The following DDA1 variants were observed in gnomAD, a reference collection of about 807,000 sequenced individuals.
DDA1 encodes the protein DET1 and DDB1 associated 1.
In DDA1, 3 loss-of-function variants were observed where a neutral mutation model predicts 18.6. That is an observed-to-expected ratio of 0.16 (90% confidence interval 0.07 to 0.42). The LOEUF is 0.42. Ranked by LOEUF, DDA1 falls within the 10% of genes least tolerant of loss-of-function variation. The probability of loss-of-function intolerance (pLI) is 0.99; values close to 1 mark genes in which losing one functional copy is unlikely to be tolerated. For missense variants in DDA1, 105 were observed against 138.2 expected (o/e 0.76, Z 1.20); for synonymous variants, 52 against 54.0 (o/e 0.96, Z 0.17).
Position 17,323,146 on chromosome 19 carries a change from G to A in DDA1, c.*3490G>A, listed in dbSNP as rs111671163. 0.01 allele frequency: 1,595 copies of A among 153,682 alleles called. 25 individuals are homozygous for A. The highest frequency in any genetic ancestry group is 0.036 in the African/African-American group (1,517 of 41,638). 9.5% of individuals were successfully genotyped at this position (153,682 alleles called of 1,614,324 possible). A position where few individuals can be genotyped will look rare whatever the true frequency, so the allele number is the denominator to read the frequency against. On this transcript the variant is annotated 3_prime_UTR_variant, in exon 5 of 5. Coordinates refer to ENST00000359866, the MANE Select transcript of DDA1 (RefSeq NM_024050.6). The stretch of plus-strand genomic sequence containing the variant: ...AAGCCAGCCTGTACCAGGATGGGGG[G>A]AGGGGGTTCCCAACCTAGGCCCCAG...
At chr19:17,319,266 C>T (rs1402932317) in intron 4 of DDA1, among the ~76,000 whole-genome samples, 1 of 152,182 alleles carries the variant, frequency 6.6e-6, no homozygotes, top group African/African-American at 2.4e-5. Context: ...GACCCTGGGG[C>T]CCCCCACTGT....
intron 4 of DDA1, among the ~76,000 whole-genome samples, chr19:17,317,667 C>CT (rs1346721139): frequency 2.0e-5 from 2 of 98,250 alleles, no homozygotes; most frequent in Non-Finnish European, 4.1e-5. Flanking sequence ...AACTCCATCA[C>CT]TAAAAAAAAA....
intron 3 of DDA1, among the ~76,000 whole-genome samples, chr19:17,315,595 T>C (rs1165819242): frequency 6.6e-6 from 1 of 151,892 alleles, no homozygotes; most frequent in African/African-American, 2.4e-5. Flanking sequence ...TTTATCCATC[T>C]GGAGCCTGTG....
chr19:17,320,364 C>A lies in DDA1; in HGVS notation c.*708C>A, dbSNP rs900192739. On this transcript the variant is annotated 3_prime_UTR_variant, in exon 5 of 5. Coordinates refer to ENST00000359866, the MANE Select transcript of DDA1 (RefSeq NM_024050.6). Reference sequence around the variant, plus strand: ...CCCCTGGGAGTCATCCCTGTTGTCACCAAGAGGAGTGAGAAGGGCCCCCCA... The same window carrying A: ...CCCCTGGGAGTCATCCCTGTTGTCAACAAGAGGAGTGAGAAGGGCCCCCCA... 6 of 152,264 alleles carry A rather than the reference C, an allele frequency of 3.9e-5. No individual in the cohort carries two copies. The highest frequency in any genetic ancestry group is 1.4e-4 in the African/African-American group (6 of 41,456). 9.4% of individuals were successfully genotyped at this position (152,264 alleles called of 1,614,324 possible). A position where few individuals can be genotyped will look rare whatever the true frequency, so the allele number is the denominator to read the frequency against.
At chr19:17,317,249 C>G (rs557135546) in intron 4 of DDA1, among the ~76,000 whole-genome samples, 88 of 152,012 alleles carry the variant, frequency 5.8e-4, no homozygotes, top group African/African-American at 2.1e-3. Context: ...GTGGCTCATG[C>G]CTGTAATCTC....
At chr19:17,313,433 CTTTTTTTTTTTTTTTT>C (rs57148595) in intron 1 of DDA1, among the ~76,000 whole-genome samples, 1 of 82,560 alleles carries the variant, frequency 1.2e-5, no homozygotes, top group Non-Finnish European at 2.3e-5. Flanking sequence ...TTGAAAATGG[CTTTTTTTTTTTTTTTT>C]TTTTTTTTTT....
At position 17,320,334 on chromosome 19, in the gene DDA1, C is replaced by T. The variant is rs1291332202; in HGVS notation, c.*678C>T. 2.0e-5 allele frequency: 3 copies of T among 152,276 alleles called. No homozygotes were observed. The highest frequency in any genetic ancestry group is 1.3e-4 in the Admixed American group (2 of 15,288). The allele number at this position is 152,276 out of a possible 1,614,324, so 9.4% of individuals were successfully genotyped here. ...CTCCACACACCTTGGCTGCAGAGGA[C>T]GGAGCCCCTGGGAGTCATCCCTGTT... On this transcript the variant is annotated 3_prime_UTR_variant, in exon 5 of 5. Coordinates refer to ENST00000359866, the MANE Select transcript of DDA1 (RefSeq NM_024050.6).
intron 1 of DDA1, among the ~76,000 whole-genome samples, chr19:17,309,922 C>T (rs1414952901): frequency 2.0e-5 from 3 of 151,778 alleles, no homozygotes. Flanking sequence ...GTTGCGGCTC[C>T]CCCCGGAAAT....
intron 1 of DDA1, among the ~76,000 whole-genome samples, chr19:17,312,338 G>A (rs775018363): frequency 3.9e-5 from 6 of 152,146 alleles, no homozygotes; most frequent in Non-Finnish European, 7.4e-5. Context: ...TGACCTCGCC[G>A]GGGTGTGAGG....
Position 17,321,975 on chromosome 19 carries a change from A to G in DDA1, c.*2319A>G, listed in dbSNP as rs1388996727. On this transcript the variant is annotated 3_prime_UTR_variant, in exon 5 of 5. Transcript: ENST00000359866. The stretch of plus-strand genomic sequence containing the variant: ...GGCCAGCTGGGGAGTCCCAGTCCCC[A>G]GGGTTGGTGTGACCTGGGCAGGCCT... 6.6e-6 allele frequency: 1 copy of G among 152,324 alleles called. No homozygotes were observed. The highest frequency in any genetic ancestry group is 1.5e-5 in the Non-Finnish European group (1 of 68,140). 9.4% of individuals were successfully genotyped at this position (152,324 alleles called of 1,614,324 possible).
intron 1 of DDA1, among the ~76,000 whole-genome samples, chr19:17,310,390 G>A (rs1377331635): frequency 1.3e-5 from 2 of 151,724 alleles, no homozygotes; most frequent in Middle Eastern, 3.4e-3. Context: ...GTCCCCACCT[G>A]GCTGTTGGAA....
At position 17,314,260 on chromosome 19, in the gene DDA1, G is replaced by T; in HGVS notation, c.85-78G>T. On this transcript the variant is annotated intron_variant, in intron 2 of 4. Coordinates refer to ENST00000359866, the MANE Select transcript of DDA1 (RefSeq NM_024050.6). The surrounding 1 kb of genome is among the most constrained non-coding windows in gnomAD (Gnocchi z 4.6). ...AGTGTCTTCCAATCTGCACTGAAGG[G>T]TGGGTGCTGAGTGGAGGGATGAGGA... 1 of 1,586,254 alleles carries T rather than the reference G, an allele frequency of 6.3e-7. No individual in the cohort carries two copies. The highest frequency in any genetic ancestry group is 1.3e-5 in the African/African-American group (1 of 74,456).
Position 17,314,592 on chromosome 19 carries a change from G to T in DDA1, c.136+203G>T. Reference sequence around the variant, plus strand: ...GGGGGACCTTGGGGGCTTCAGCCTGGGGATGCACACGTGGATGCCTGTCCA... The same window carrying T: ...GGGGGACCTTGGGGGCTTCAGCCTGTGGATGCACACGTGGATGCCTGTCCA... On this transcript the variant is annotated intron_variant, in intron 3 of 4. Coordinates refer to ENST00000359866, the MANE Select transcript of DDA1 (RefSeq NM_024050.6). This position sits in a 1 kb window ranked among gnomAD's most constrained non-coding sequence, Gnocchi z 4.6. 1 of 634,848 alleles carries T rather than the reference G, an allele frequency of 1.6e-6. No individual in the cohort carries two copies. The highest frequency in any genetic ancestry group is 1.9e-5 in the South Asian group (1 of 52,360). The allele number at this position is 634,848 out of a possible 1,614,324, so 39.3% of individuals were successfully genotyped here.
At chr19:17,310,692 G>A (rs2074174929) in intron 1 of DDA1, among the ~76,000 whole-genome samples, 1 of 152,144 alleles carries the variant, frequency 6.6e-6, no homozygotes, top group African/African-American at 2.4e-5. Flanking sequence ...GAAGGAAATG[G>A]GAAGGTGGGT....
In DDA1 at chr19:17,315,350, CTA is replaced by C. The variant is rs1429083049; in HGVS notation, c.137-575_137-574del. ...ATATACACACGTATATATATACACG[CTA>C]TATATATACGCTATATATATACACA... is the stretch of plus-strand genomic sequence containing the variant. On this transcript the variant is annotated intron_variant, in intron 3 of 4. Coordinates refer to ENST00000359866, the MANE Select transcript of DDA1 (RefSeq NM_024050.6). Among the ~76,000 whole-genome samples, 5 of 56,468 alleles carry C rather than the reference CTA, an allele frequency of 8.9e-5. 1 individual carries two copies. Among genetic ancestry groups the C allele is most frequent in the Non-Finnish European group, 1.7e-4 (4 of 24,094 alleles). The allele number at this position is 56,468 out of a possible 152,430, so 37.0% of individuals were successfully genotyped here. A position where few individuals can be genotyped will look rare whatever the true frequency, so the allele number is the denominator to read the frequency against.
At position 17,309,673 on chromosome 19, in the gene DDA1, AG is replaced by A; in HGVS notation, c.3+18del. 1 of 1,612,264 alleles carries A rather than the reference AG, an allele frequency of 6.2e-7. No homozygotes were observed. Among genetic ancestry groups the A allele is most frequent in the East Asian group, 2.2e-5 (1 of 44,696 alleles). Reference sequence around the variant, plus strand: ...ACAGAAGATGGTGAGGATGGCCTCCAGGCCCCCACTCCCCCTCTGCTAGACA... The same window carrying A: ...ACAGAAGATGGTGAGGATGGCCTCCAGCCCCCACTCCCCCTCTGCTAGACA... On this transcript the variant is annotated intron_variant, in intron 1 of 4. Coordinates refer to ENST00000359866, the MANE Select transcript of DDA1 (RefSeq NM_024050.6).
chr19:17,319,731 C>A lies in DDA1; in HGVS notation c.*75C>A. 7.3e-7 allele frequency: 1 copy of A among 1,372,300 alleles called. No homozygotes were observed. The highest frequency in any genetic ancestry group is 1.0e-6 in the Non-Finnish European group (1 of 997,364). The allele number at this position is 1,372,300 out of a possible 1,614,324, so 85.0% of individuals were successfully genotyped here. ...CACCCGCCTGCCCGCCATGTGTAAG[C>A]ACCCCGCCCGCCCGCCTCCCTGCCG... On this transcript the variant is annotated 3_prime_UTR_variant, in exon 5 of 5. Coordinates refer to ENST00000359866, the MANE Select transcript of DDA1 (RefSeq NM_024050.6).
chr19:17,323,180 A>G lies in DDA1; in HGVS notation c.*3524A>G. The G allele has an allele frequency of 6.5e-6, 1 of 154,002 alleles. No homozygotes were observed. The highest frequency in any genetic ancestry group is 1.8e-4 in the East Asian group (1 of 5,498). The allele number at this position is 154,002 out of a possible 1,614,324, so 9.5% of individuals were successfully genotyped here. On this transcript the variant is annotated 3_prime_UTR_variant, in exon 5 of 5. Coordinates refer to ENST00000359866, the MANE Select transcript of DDA1 (RefSeq NM_024050.6). ...CCCAACCTAGGCCCCAGCCACCCAG[A>G]CTCCCCCACCCCCACTCCCTTTTCC...
Position 17,314,179 on chromosome 19 carries a change from G to A in DDA1, c.84+76G>A. On this transcript the variant is annotated intron_variant, in intron 2 of 4. Transcript: ENST00000359866. The surrounding 1 kb of genome is among the most constrained non-coding windows in gnomAD (Gnocchi z 4.6). ...TGGGGGCAGCTTGTGTCCCCCGATT[G>A]GGGTCTTGGCTGGAACAGAGGCTGA... 1 of 1,576,602 alleles carries A rather than the reference G, an allele frequency of 6.3e-7. No individual in the cohort carries two copies. The highest frequency in any genetic ancestry group is 1.7e-4 in the Middle Eastern group (1 of 5,980).
Sources: allele counts gnomAD v4.1 joint callset (sites outside exome capture counted in the v4.1 genomes callset), GRCh38; gene constraint gnomAD v4.1.1; non-coding constraint Gnocchi (gnomAD v3.1); transcripts MANE v1.5; gene names NCBI Gene and HGNC (gene_info 2026-07-23, HGNC 2026-07-21).